The following C3orf52 variants were observed in gnomAD, a reference collection of about 807,000 sequenced individuals.
C3orf52 encodes chromosome 3 open reading frame 52.
A neutral mutation model predicts 24.8 loss-of-function variants in C3orf52; 22 were observed. The observed-to-expected ratio is 0.89, with a 90% CI of 0.63 to 1.27. The LOEUF (loss-of-function observed/expected upper bound fraction) is 1.27. Among genes scored for constraint, C3orf52 ranks in the 50% most tolerant of loss-of-function variants. The probability of loss-of-function intolerance (pLI) is 0.00; values close to 1 mark genes in which losing one functional copy is unlikely to be tolerated. For missense variants in C3orf52, 265 were observed against 260.7 expected (o/e 1.02, Z -0.11); for synonymous variants, 93 against 100.2 (o/e 0.93, Z 0.43).
At chr3:112,109,835 T>C (rs2074060986) in intron 4 of C3orf52, 1 of 434,044 alleles carries the variant, frequency 2.3e-6, no homozygotes, top group Non-Finnish European at 4.2e-6. Context: ...AATGGTATAA[T>C]TCAACCAGGG....
intron 2 of C3orf52, among the ~76,000 whole-genome samples, chr3:112,099,985 A>C (rs2073957347): frequency 6.6e-6 from 1 of 152,224 alleles, no homozygotes; most frequent in South Asian, 2.1e-4. Flanking sequence ...GCTAACAAAT[A>C]GCCAACAGGA....
rs562325482 is a variant in C3orf52, at chr3:112,117,010, T to G, written c.*364T>G. 1 of 1,312,910 alleles carries G rather than the reference T, an allele frequency of 7.6e-7. No individual in the cohort carries two copies. The highest frequency in any genetic ancestry group is 1.4e-5 in the South Asian group (1 of 73,182). 81.3% of individuals were successfully genotyped at this position (1,312,910 alleles called of 1,614,324 possible). On this transcript the variant is annotated 3_prime_UTR_variant, in exon 6 of 6. Coordinates refer to ENST00000264848, the MANE Select transcript of C3orf52 (RefSeq NM_024616.3). ...GTTCTGTCGCTTAGCTGGAGTGCGGTGGCGTGATCATGGCACTGCTATTCT... is the reference window on the plus strand; with the variant it reads ...GTTCTGTCGCTTAGCTGGAGTGCGGGGGCGTGATCATGGCACTGCTATTCT...
intron 4 of C3orf52, chr3:112,109,896 C>T (rs1402344814): frequency 2.2e-5 from 7 of 318,118 alleles, no homozygotes; most frequent in African/African-American, 6.3e-5. Flanking sequence ...TTCTGTTTAA[C>T]AATGAATGCT....
At chr3:112,128,148 G>A (rs761649905) in intron 4 of C3orf52, 2 of 1,288,372 alleles carry the variant, frequency 1.6e-6, no homozygotes, top group Non-Finnish European at 2.3e-6. Context: ...CATTTCTGTG[G>A]AAAACTTTTT....
intron 4 of C3orf52, 112 bp from the exon 5 acceptor site, chr3:112,112,849 ATTT>A: frequency 4.9e-6 from 4 of 818,866 alleles, no homozygotes; most frequent in Non-Finnish European, 8.5e-6. Context: ...ATTCTTTGCT[ATTT>A]TGTACTGGAA....
At chr3:112,114,292 G>T (rs1387364490) in intron 5 of C3orf52, among the ~76,000 whole-genome samples, 1 of 151,698 alleles carries the variant, frequency 6.6e-6, no homozygotes, top group Non-Finnish European at 1.5e-5. Context: ...CTCACTGGAA[G>T]TCTCATAAAT....
intron 2 of C3orf52, among the ~76,000 whole-genome samples, chr3:112,096,125 A>T (rs2073924494): frequency 6.6e-6 from 1 of 152,182 alleles, no homozygotes; most frequent in Admixed American, 6.5e-5. Flanking sequence ...TCCTGTCTCA[A>T]GGCTCTGTAG....
downstream of C3orf52, among the ~76,000 whole-genome samples, chr3:112,119,231 C>T (rs1200961427): frequency 7.2e-5 from 11 of 152,028 alleles, no homozygotes; most frequent in Admixed American, 2.6e-4. Context: ...AAAAATTAGC[C>T]AGGCGTGGTG....
At chr3:112,119,730 G>T (rs2074170811), downstream of C3orf52, among the ~76,000 whole-genome samples, 1 of 152,166 alleles carries the variant, frequency 6.6e-6, no homozygotes, top group Non-Finnish European at 1.5e-5. Context: ...ACACTGCATT[G>T]TGAATTAACA....
chr3:112,119,619 A>C, downstream of C3orf52: 1 of 667,682 alleles, frequency 1.5e-6, no homozygotes, highest in Non-Finnish European at 2.7e-6. Flanking sequence ...ATCCTGTCCT[A>C]TTCAGAGTCT....
intron 4 of C3orf52, 75 bp from the exon 5 acceptor site, chr3:112,112,889 A>AAAAAT: frequency 5.9e-6 from 7 of 1,189,012 alleles, no homozygotes; most frequent in Non-Finnish European, 8.6e-6. Context: ...AAAAAAAAAA[A>AAAAAT]GTTATTGCTT....
At position 112,123,661 on chromosome 3, in the gene C3orf52, G is replaced by C. The variant is rs145303774; in HGVS notation, c.*46+4099G>C. 1.7e-3 allele frequency: 2,680 copies of C among 1,614,104 alleles called. 45 individuals are homozygous for C. Among genetic ancestry groups the C allele is most frequent in the Non-Finnish European group, 3.3e-4 (389 of 1,180,002 alleles). ...TCTCTGGGTCTCTCAGCTTTGCAGG[G>C]AACATTCTCATAGTACTCTTCAGCA... On this transcript the variant is annotated intron_variant, in intron 4 of 4. Coordinates refer to the C3orf52 transcript ENST00000480282.
intron 4 of C3orf52, chr3:112,123,686 A>G (rs1288009589): frequency 1.2e-6 from 2 of 1,614,178 alleles, no homozygotes; most frequent in Non-Finnish European, 1.7e-6. Context: ...ACTCTTCAGC[A>G]GAGTTCCCTG....
chr3:112,098,432 A>G (rs1312653180), intron 2 of C3orf52, among the ~76,000 whole-genome samples: 7 of 151,816 alleles, frequency 4.6e-5, no homozygotes, highest in Non-Finnish European at 1.0e-4. Flanking sequence ...TTTCTTGGAG[A>G]GCTCATTCAC....
In C3orf52 at chr3:112,096,842, G is replaced by A. The variant is rs77071358; in HGVS notation, c.268+3353G>A. Among the ~76,000 whole-genome samples the A allele has an allele frequency of 5.9e-3, 895 of 152,314 alleles. 20 individuals carry two copies. Among genetic ancestry groups the A allele is most frequent in the East Asian group, 0.05 (261 of 5,190 alleles). ...ACAGACTGTGCAGCCTTCATTGCCT[G>A]TACATGGGTTGGGCTTGCCCACTAC... is the stretch of plus-strand genomic sequence containing the variant. On this transcript the variant is annotated intron_variant, in intron 2 of 5. Transcript: ENST00000264848.
downstream of C3orf52, among the ~76,000 whole-genome samples, chr3:112,132,000 G>A (rs1003625018): frequency 6.6e-6 from 1 of 151,974 alleles, no homozygotes; most frequent in East Asian, 1.9e-4. Context: ...TTCAGTGCAC[G>A]TGATATGCCA....
At chr3:112,092,512 G>A (rs1235637414) in intron 1 of C3orf52, among the ~76,000 whole-genome samples, 1 of 152,188 alleles carries the variant, frequency 6.6e-6, no homozygotes, top group Non-Finnish European at 1.5e-5. Context: ...ACAGTGATGT[G>A]GACAAAAGGG....
intron 2 of C3orf52, among the ~76,000 whole-genome samples, chr3:112,096,437 A>G (rs1188860949): frequency 1.3e-5 from 2 of 152,182 alleles, no homozygotes; most frequent in African/African-American, 4.8e-5. Context: ...GGCAAGATTT[A>G]TGGCATGTAG....
chr3:112,097,671 G>T (rs544542203), intron 2 of C3orf52, among the ~76,000 whole-genome samples: 10 of 152,278 alleles, frequency 6.6e-5, no homozygotes, highest in African/African-American at 2.4e-4. Flanking sequence ...AGCTGCCAAG[G>T]TCCTTTGGGG....
Sources: allele counts gnomAD v4.1 joint callset (sites outside exome capture counted in the v4.1 genomes callset), GRCh38; gene constraint gnomAD v4.1.1; transcripts MANE v1.5; gene names NCBI Gene and HGNC (gene_info 2026-07-23, HGNC 2026-07-21).